The following GHRHR variants were observed in gnomAD, a reference collection of about 807,000 sequenced individuals.
The protein encoded by GHRHR is growth hormone-releasing hormone receptor.
A neutral mutation model predicts 58.3 loss-of-function variants in GHRHR; 40 were observed. That is an observed-to-expected ratio of 0.69 (90% CI 0.53 to 0.89). The LOEUF (loss-of-function observed/expected upper bound fraction) is 0.89, where lower values mean the gene tolerates loss of function less well. Ranked by LOEUF, GHRHR falls within the 40% of genes least tolerant of loss-of-function variation. The pLI is 0.00. For synonymous variants in GHRHR, 249 were observed against 216.6 expected, an observed-to-expected ratio of 1.15 and a Z score of -1.31; for missense variants, 551 against 541.3, an observed-to-expected ratio of 1.02 and a Z score of -0.18.
At chr7:30,977,471 C>T in intron 12 of GHRHR, 149 bp downstream of exon 12, 2 of 755,522 alleles carry the variant, frequency 2.6e-6, no homozygotes, top group South Asian at 2.8e-5. Context: ...TCCTGAGCTT[C>T]TGGATCAAGC....
Position 30,968,917 on chromosome 7 carries a change from G to T in GHRHR, c.141G>T (p.Glu47Asp). The change falls in exon 2 of 13, where the codon GAG becomes GAT. Residue 47 changes from glutamate to aspartate, a missense_variant. Physicochemically the swap from Glu to Asp is conservative, Grantham distance 45. Coordinates refer to ENST00000326139, the MANE Select transcript of GHRHR (RefSeq NM_000823.4). ...GTGCCTGTCTACAAGCAGCAGAGGA[G>T]ATGCCCAACACCACCCTGGGTATGG... ...DESACLQAAE[E>D]MPNTTLGCPA... 1 of 1,612,948 alleles carries T rather than the reference G, an allele frequency of 6.2e-7. No individual in the cohort carries two copies. The highest frequency in any genetic ancestry group is 8.5e-7 in the Non-Finnish European group (1 of 1,179,006).
rs140055710 is a variant in GHRHR at position 30,973,786 on chromosome 7, C to T, written c.598-199C>T. Among the ~76,000 whole-genome samples, 360 of 152,258 alleles carry T rather than the reference C, an allele frequency of 2.4e-3. 2 individuals carry two copies. The highest frequency in any genetic ancestry group is 7.6e-3 in the African/African-American group (315 of 41,548). ...AGGAAATAGATAGTAAATTAGAAGCCAGGCTGTCTAGATACCAAATCTGTG... is the reference window on the plus strand; with the variant it reads ...AGGAAATAGATAGTAAATTAGAAGCTAGGCTGTCTAGATACCAAATCTGTG... On this transcript the variant is annotated intron_variant, in intron 6 of 12. Transcript: ENST00000326139.
chr7:30,974,014 C>G lies in GHRHR; in HGVS notation c.627C>G (p.Ser209=). The G allele has an allele frequency of 6.2e-7, 1 of 1,613,946 alleles. No individual in the cohort carries two copies. Among genetic ancestry groups the G allele is most frequent in the South Asian group, 1.1e-5 (1 of 91,058 alleles). ...TATGCAAGGTCTCTGTGGCCGCCTC[C>G]CATTTCGCCACCATGACCAACTTCA... ...TVLCKVSVAA[S]HFATMTNFSW... is the part of the protein sequence containing the mutation. The change falls in exon 7 of 13, where the codon TCC becomes TCG. Residue 209 remains serine (S), a synonymous_variant. Transcript: ENST00000326139.
intron 1 of GHRHR, among the ~76,000 whole-genome samples, chr7:30,966,356 T>A (rs1386443140): frequency 6.9e-6 from 1 of 144,920 alleles, no homozygotes; most frequent in Non-Finnish European, 1.5e-5. Context: ...ATTAAACATT[T>A]GCTGACATGG....
chr7:30,969,553 C>CT, intron 3 of GHRHR: 1 of 602,772 alleles, frequency 1.7e-6, no homozygotes. Context: ...GGCCTAGGTG[C>CT]TGGGACAGTG....
At chr7:30,966,509 G>A (rs1792357857) in intron 1 of GHRHR, among the ~76,000 whole-genome samples, 1 of 152,106 alleles carries the variant, frequency 6.6e-6, no homozygotes. Flanking sequence ...TTCTGTTCCA[G>A]ATGCTCTTCT....
In GHRHR at chr7:30,977,299, C is replaced by T; in HGVS notation, c.1123C>T (p.Leu375Phe). 6.2e-7 allele frequency: 1 copy of T among 1,614,086 alleles called. No individual in the cohort carries two copies. The highest frequency in any genetic ancestry group is 8.5e-7 in the Non-Finnish European group (1 of 1,179,962). Reference protein sequence around the residue: ...GSFQGFIVAILYCFLNQEVRT... With the variant: ...GSFQGFIVAIFYCFLNQEVRT... ...CCCACAGGGCTTCATTGTTGCCATC[C>T]TCTACTGCTTCCTCAACCAAGAGGT... The change falls in exon 12 of 13, where the codon CTC becomes TTC. Residue 375 changes from leucine to phenylalanine, a missense_variant. By Grantham distance (22) the Leu-to-Phe change is conservative. Coordinates refer to ENST00000326139, the MANE Select transcript of GHRHR (RefSeq NM_000823.4).
intron 10 of GHRHR, chr7:30,976,071 G>C (rs887428988): frequency 1.6e-6 from 1 of 608,688 alleles, no homozygotes; most frequent in African/African-American, 1.9e-5. Context: ...CAGCTCCCAT[G>C]CCAAATAGAA....
Position 30,977,297 on chromosome 7 carries a change from TC to T in GHRHR, c.1123del (p.Leu375SerfsTer9), listed in dbSNP as rs1792609179. 6.2e-7 allele frequency: 1 copy of T among 1,614,110 alleles called. No individual in the cohort carries two copies. The highest frequency in any genetic ancestry group is 1.3e-5 in the African/African-American group (1 of 75,034). On this transcript the variant is annotated frameshift_variant, in exon 12 of 13. Transcript: ENST00000326139. LOFTEE classifies it high-confidence loss of function. Reference protein sequence around the residue: ...LGSFQGFIVAILYCFLNQEVR... With the variant: ...LGSFQGFIVAXLYCFLNQEVR... The stretch of plus-strand genomic sequence containing the variant: ...GACCCACAGGGCTTCATTGTTGCCA[TC>T]CTCTACTGCTTCCTCAACCAAGAGG...
At chr7:30,965,108 A>T (rs1792320945) in intron 1 of GHRHR, among the ~76,000 whole-genome samples, 2 of 152,154 alleles carry the variant, frequency 1.3e-5, no homozygotes, top group Non-Finnish European at 2.9e-5. Flanking sequence ...GGCCCGGGTC[A>T]CTGTGCATTG....
chr7:30,975,949 C>T (rs1264646351), intron 10 of GHRHR, 81 bp downstream of exon 10: 31 of 821,996 alleles, frequency 3.8e-5, no homozygotes, highest in Non-Finnish European at 6.1e-5. Context: ...CCAATAAGCA[C>T]TCATGACCTC....
chr7:30,965,423 G>T (rs1421722674), intron 1 of GHRHR, among the ~76,000 whole-genome samples: 9 of 38,336 alleles, frequency 2.3e-4, no homozygotes, highest in South Asian at 1.3e-3. Context: ...CGATGTGTGT[G>T]GGGGGGTGAC....
Position 30,973,970 on chromosome 7 carries a change from G to A in GHRHR, c.598-15G>A, listed in dbSNP as rs1489836338. On this transcript the variant is annotated splice_polypyrimidine_tract_variant and intron_variant, in intron 6 of 12. Transcript: ENST00000326139. ...GGGTGTCCCAGCTCTGAAGCACCCA[G>A]GTCCTGGCCCCCAGGTTCTATGCAA... 6.2e-7 allele frequency: 1 copy of A among 1,612,758 alleles called. No homozygotes were observed. The highest frequency in any genetic ancestry group is 8.5e-7 in the Non-Finnish European group (1 of 1,179,872).
intron 7 of GHRHR, 101 bp from the exon 8 acceptor site, chr7:30,974,328 G>T (rs1299974867): frequency 4.5e-6 from 5 of 1,117,222 alleles, no homozygotes; most frequent in African/African-American, 1.5e-5. Context: ...CCCTGCCTTT[G>T]CAGTGCCCTA....
rs913339581 is a variant in GHRHR at position 30,971,975 on chromosome 7, C to G, written c.477C>G (p.Cys159Trp). ...CCATTACCCCCAGGAGGCTCCACTG[C>G]CCCCGGAACTACGTCCACACCCAGC... ...TILVALRRLH[C>W]PRNYVHTQLF... is the part of the protein sequence containing the mutation. Residue 159 changes from cysteine (C) to tryptophan (W), a missense_variant, in exon 6 of 13, where the codon TGC becomes TGG. Coordinates refer to ENST00000326139, the MANE Select transcript of GHRHR (RefSeq NM_000823.4). The G allele has an allele frequency of 6.2e-7, 1 of 1,613,550 alleles. No individual in the cohort carries two copies. The highest frequency in any genetic ancestry group is 8.5e-7 in the Non-Finnish European group (1 of 1,179,576).
At chr7:30,966,934 G>A (rs10266019) in intron 1 of GHRHR, among the ~76,000 whole-genome samples, 8 of 152,156 alleles carry the variant, frequency 5.3e-5, no homozygotes, top group Admixed American at 1.3e-4. Context: ...GAGCCACTGC[G>A]CCCGGCCCCT....
intron 5 of GHRHR, among the ~76,000 whole-genome samples, chr7:30,971,422 G>A (rs927670967): frequency 2.6e-5 from 4 of 151,962 alleles, no homozygotes; most frequent in African/African-American, 7.3e-5. Flanking sequence ...CTTTGCTCAC[G>A]TGGTGCTCAT....
At position 30,976,443 on chromosome 7, in the gene GHRHR, C is replaced by T. The variant is rs752122561; in HGVS notation, c.989C>T (p.Ser330Leu). The T allele has an allele frequency of 8.1e-6, 13 of 1,613,450 alleles. No homozygotes were observed. Among genetic ancestry groups the T allele is most frequent in the East Asian group, 2.2e-5 (1 of 44,866 alleles). Reference sequence around the variant, plus strand: ...CTTTCCTGCAGGCGTCTCTCCAAGTCGACACTTTTCCTGATCCCACTCTTT... The same window carrying T: ...CTTTCCTGCAGGCGTCTCTCCAAGTTGACACTTTTCCTGATCCCACTCTTT... ...TQSQYWRLSK[S>L]TLFLIPLFGI... is the part of the protein sequence containing the mutation. The change falls in exon 11 of 13, where the codon TCG becomes TTG. Residue 330 changes from serine (S) to leucine (L), a missense_variant. Physicochemically the swap from Ser to Leu is moderately radical, Grantham distance 145. Coordinates refer to ENST00000326139, the MANE Select transcript of GHRHR (RefSeq NM_000823.4).
At chr7:30,976,803 T>C (rs1043140215) in intron 11 of GHRHR, among the ~76,000 whole-genome samples, 1 of 151,866 alleles carries the variant, frequency 6.6e-6, no homozygotes, top group Admixed American at 6.6e-5. Flanking sequence ...CATCCATCCA[T>C]ACATCCATCT....
Sources: allele counts gnomAD v4.1 joint callset (sites outside exome capture counted in the v4.1 genomes callset), GRCh38; gene constraint gnomAD v4.1.1; transcripts MANE v1.5; gene names NCBI Gene and HGNC (gene_info 2026-07-23, HGNC 2026-07-21).